The following RELB variants were observed in gnomAD, a reference collection of about 807,000 sequenced individuals.
RELB encodes RELB proto-oncogene, NF-kB subunit, also known as transcription factor RelB.
In RELB, 14 loss-of-function variants were observed where a neutral mutation model predicts 55.4. The observed-to-expected ratio is 0.25, with a 90% CI of 0.17 to 0.40. The LOEUF is 0.40. RELB is among the 10% of genes least tolerant of loss of function. The probability of loss-of-function intolerance (pLI) is 1.00; values close to 1 mark genes in which losing one functional copy is unlikely to be tolerated. For missense variants in RELB, 669 were observed against 830.7 expected (o/e 0.81, Z 2.39); for synonymous variants, 409 against 371.3 (o/e 1.10, Z -1.17).
chr19:45,004,467 G>A (rs907555786), intron 2 of RELB, among the ~76,000 whole-genome samples: 4 of 149,222 alleles, frequency 2.7e-5, no homozygotes, highest in Admixed American at 1.3e-4. Context: ...CAAAGGATCC[G>A]CCCTCCTCGG....
chr19:45,001,546 C>A lies in RELB; in HGVS notation c.-34C>A. 3 of 1,317,498 alleles carry A rather than the reference C, an allele frequency of 2.3e-6. No individual in the cohort carries two copies. Among genetic ancestry groups the A allele is most frequent in the Non-Finnish European group, 2.0e-6 (2 of 998,324 alleles). 81.6% of individuals were successfully genotyped at this position (1,317,498 alleles called of 1,614,324 possible). On this transcript the variant is annotated 5_prime_UTR_variant, in exon 1 of 12. Transcript: ENST00000221452. ...GTCCGACCCGCGATCGTCCACCAGA[C>A]CGTGCCTCCCGGCCGCCCGGCCGGC...
At chr19:45,036,192 C>T (rs1357576080) in intron 11 of RELB, among the ~76,000 whole-genome samples, 2 of 152,088 alleles carry the variant, frequency 1.3e-5, no homozygotes, top group East Asian at 3.9e-4. Context: ...CCTGCCTCAG[C>T]CTCCTGAGTA....
chr19:45,035,539 C>CAACAACAACAACAACAACAACA lies in RELB; in HGVS notation c.1354+1013_1354+1014insCAACAACAACAACAACAACAAA, dbSNP rs887820522. ...CTCAAAACAACAACAACAACAACAA[C>CAACAACAACAACAACAACAACA]AAAACAGGCCTGGCACTGTGGCTTA... On this transcript the variant is annotated intron_variant, in intron 11 of 11. Coordinates refer to ENST00000221452, the MANE Select transcript of RELB (RefSeq NM_006509.4). Among the ~76,000 whole-genome samples the CAACAACAACAACAACAACAACA allele has an allele frequency of 3.4e-3, 516 of 151,284 alleles. 5 individuals carry two copies. Among genetic ancestry groups the CAACAACAACAACAACAACAACA allele is most frequent in the African/African-American group, 0.012 (474 of 41,200 alleles).
intron 7 of RELB, among the ~76,000 whole-genome samples, chr19:45,026,553 G>GA (rs11419790): frequency 0.71 from 107,880 of 151,110 alleles, 40,487 homozygotes; most frequent in South Asian, 0.83. Flanking sequence ...CAAAAAACAA[G>GA]AAAAAAAAAC....
At chr19:45,028,153 G>A (rs995105890) in intron 7 of RELB, among the ~76,000 whole-genome samples, 4 of 152,034 alleles carry the variant, frequency 2.6e-5, no homozygotes, top group African/African-American at 7.2e-5. Context: ...TCAAGTGCTG[G>A]CATTACAGGT....
At chr19:45,017,495 T>G (rs572795802) in intron 4 of RELB, among the ~76,000 whole-genome samples, 2 of 148,798 alleles carry the variant, frequency 1.3e-5, no homozygotes, top group Non-Finnish European at 3.0e-5. Context: ...ATGTGATGTC[T>G]TATAATTTTA....
intron 2 of RELB, among the ~76,000 whole-genome samples, chr19:45,007,597 C>T (rs1227183858): frequency 6.6e-6 from 1 of 152,168 alleles, no homozygotes; most frequent in Non-Finnish European, 1.5e-5. Context: ...GTGGCTCACA[C>T]CTGTAATCCC....
intron 4 of RELB, among the ~76,000 whole-genome samples, chr19:45,014,004 T>C (rs1237606971): frequency 6.6e-6 from 1 of 151,960 alleles, no homozygotes; most frequent in Non-Finnish European, 1.5e-5. Flanking sequence ...CCAATATTGG[T>C]GATGCTGAGT....
chr19:45,016,629 G>T (rs1051905776), intron 4 of RELB, among the ~76,000 whole-genome samples: 2 of 152,060 alleles, frequency 1.3e-5, no homozygotes, highest in African/African-American at 4.8e-5. Flanking sequence ...CTCCAGCCTG[G>T]GTGACAGAGT....
At chr19:45,004,376 C>G (rs2122384145) in intron 2 of RELB, among the ~76,000 whole-genome samples, 1 of 151,368 alleles carries the variant, frequency 6.6e-6, no homozygotes, top group East Asian at 2.0e-4. Flanking sequence ...TCATGTGCCA[C>G]CACGCTCAGC....
intron 8 of RELB, among the ~76,000 whole-genome samples, chr19:45,032,047 C>T (rs1265205083): frequency 2.6e-5 from 4 of 151,546 alleles, no homozygotes; most frequent in Non-Finnish European, 5.9e-5. Context: ...ACCATCCTGG[C>T]CAACGTGGTG....
At chr19:45,034,688 G>A (rs140394278) in intron 11 of RELB, among the ~76,000 whole-genome samples, 160 bp downstream of exon 11, 2 of 152,250 alleles carry the variant, frequency 1.3e-5, no homozygotes, top group Non-Finnish European at 2.9e-5. Context: ...GGGCTTTGGA[G>A]ACAGAATGGA....
At chr19:45,025,832 C>A in intron 7 of RELB, 95 bp downstream of exon 7, 1 of 1,479,464 alleles carries the variant, frequency 6.8e-7, no homozygotes, top group Non-Finnish European at 9.4e-7. Flanking sequence ...GGCGCTGTGG[C>A]TCACGCCTGT....
intron 4 of RELB, among the ~76,000 whole-genome samples, chr19:45,015,382 G>T (rs1971409683): frequency 6.6e-6 from 1 of 152,212 alleles, no homozygotes; most frequent in South Asian, 2.1e-4. Flanking sequence ...GACCCGAGAG[G>T]TTTATCTTGT....
intron 4 of RELB, among the ~76,000 whole-genome samples, chr19:45,018,884 C>T (rs928412651): frequency 5.9e-5 from 9 of 151,890 alleles, no homozygotes; most frequent in African/African-American, 2.2e-4. Context: ...CCATGTCGGT[C>T]AGGCTGGTCT....
chr19:45,010,455 CAG>C (rs1443075027), intron 3 of RELB, among the ~76,000 whole-genome samples: 1 of 151,506 alleles, frequency 6.6e-6, no homozygotes, highest in Non-Finnish European at 1.5e-5. Context: ...GTGTGGGAGA[CAG>C]AGGAAAATGA....
chr19:45,007,115 G>A (rs757072468), intron 2 of RELB, among the ~76,000 whole-genome samples: 5 of 152,042 alleles, frequency 3.3e-5, no homozygotes, highest in African/African-American at 4.8e-5. Context: ...AGGAAGTCAC[G>A]CCATGCAAAG....
intron 3 of RELB, 78 bp from the exon 4 acceptor site, chr19:45,011,858 G>A (rs1222750421): frequency 3.6e-6 from 3 of 827,786 alleles, no homozygotes. Flanking sequence ...AAAACGTCTC[G>A]GGGGTAATCA....
Position 45,001,486 on chromosome 19 carries a change from C to A in RELB, c.-94C>A, listed in dbSNP as rs1776790193. On this transcript the variant is annotated 5_prime_UTR_variant, in exon 1 of 12. In the 5' UTR this introduces an upstream ATG that the reference lacks. Coordinates refer to ENST00000221452, the MANE Select transcript of RELB (RefSeq NM_006509.4). ...CGCGCAGCCCCGGGCGCCGCGCGTC[C>A]TGCCCGGCCTGCGGCCCCAGCCCTT... The A allele has an allele frequency of 2.2e-6, 1 of 460,474 alleles. No individual in the cohort carries two copies. Among genetic ancestry groups the A allele is most frequent in the Non-Finnish European group, 3.1e-6 (1 of 324,762 alleles). The allele number at this position is 460,474 out of a possible 1,614,324, so 28.5% of individuals were successfully genotyped here. A position where few individuals can be genotyped will look rare whatever the true frequency, so the allele number is the denominator to read the frequency against.
Sources: gnomAD v4.1 joint callset for allele counts (sites outside exome capture counted in the v4.1 genomes callset) on GRCh38, gnomAD v4.1.1 for gene constraint, MANE v1.5 for transcripts, NCBI Gene and HGNC (gene_info 2026-07-23, HGNC 2026-07-21) for gene names.